The following PAK1 variants were observed in gnomAD, a reference collection of about 807,000 sequenced individuals.
PAK1 encodes the protein p21 (RAC1) activated kinase 1, also known as serine/threonine-protein kinase PAK 1.
Under a neutral mutation model 67.4 loss-of-function variants are expected in PAK1, and 29 were observed. The observed-to-expected ratio is 0.43, with a 90% CI of 0.32 to 0.59. The LOEUF (loss-of-function observed/expected upper bound fraction) is 0.59, where lower values mean the gene tolerates loss of function less well. Among genes scored for constraint, PAK1 ranks in the 20% least tolerant of loss-of-function variants. The pLI, the probability that PAK1 is intolerant of heterozygous loss-of-function variation, is 0.07. For synonymous variants in PAK1, 223 were observed against 237.4 expected (o/e 0.94, Z 0.56); for missense variants, 337 against 670.7 (o/e 0.50, Z 5.50).
the PAK1 span, among the ~76,000 whole-genome samples, chr11:77,499,130 A>G: frequency 8.2e-6 from 1 of 121,746 alleles, no homozygotes; most frequent in Non-Finnish European, 1.6e-5. Context: ...ATACCCACTC[A>G]CTACTAAAAA....
chr11:77,482,171 T>C, the PAK1 span, among the ~76,000 whole-genome samples: 1 of 151,932 alleles, frequency 6.6e-6, no homozygotes, highest in Non-Finnish European at 1.5e-5. Flanking sequence ...GTATTTTTAA[T>C]AGAGATGGGG....
chr11:77,507,536 T>C, the PAK1 span, among the ~76,000 whole-genome samples: 1 of 152,146 alleles, frequency 6.6e-6, no homozygotes, highest in Admixed American at 6.5e-5. Context: ...TTTTTTTTCT[T>C]TTTCAGACAG....
intron 1 of PAK1, among the ~76,000 whole-genome samples, chr11:77,393,463 T>C (rs1565658949): frequency 6.6e-6 from 1 of 151,836 alleles, no homozygotes; most frequent in African/African-American, 2.4e-5. Flanking sequence ...CCCATCTAAT[T>C]AAAAAAAATT....
intron 12 of PAK1, among the ~76,000 whole-genome samples, chr11:77,336,992 A>T (rs972438908): frequency 3.3e-5 from 5 of 151,684 alleles, no homozygotes; most frequent in Non-Finnish European, 5.9e-5. Flanking sequence ...AAGAAATTAT[A>T]CAAAACTCTT....
chr11:77,528,860 A>G, the PAK1 span, among the ~76,000 whole-genome samples: 2 of 152,124 alleles, frequency 1.3e-5, no homozygotes, highest in Admixed American at 6.5e-5. Context: ...TTCAGGTTCA[A>G]TTATTTTGGC....
chr11:77,406,226 G>C (rs544673490), intron 1 of PAK1, among the ~76,000 whole-genome samples: 8 of 152,232 alleles, frequency 5.3e-5, no homozygotes, highest in East Asian at 1.9e-4. Context: ...TTGATCTCTA[G>C]ACCAAACAGC....
intron 2 of PAK1, among the ~76,000 whole-genome samples, chr11:77,381,423 T>C (rs1484524748): frequency 6.6e-6 from 1 of 152,216 alleles, no homozygotes; most frequent in East Asian, 1.9e-4. Context: ...AAGTTTTACT[T>C]GTAGATTAGA....
chr11:77,445,750 G>A (rs1190844831), intron 1 of PAK1, among the ~76,000 whole-genome samples: 1 of 152,140 alleles, frequency 6.6e-6, no homozygotes, highest in Non-Finnish European at 1.5e-5. Flanking sequence ...TAGAATCATG[G>A]ACTGTTTGGG....
At chr11:77,331,474 T>G (rs1188722699) in intron 14 of PAK1, among the ~76,000 whole-genome samples, 4 of 152,238 alleles carry the variant, frequency 2.6e-5, no homozygotes, top group Non-Finnish European at 5.9e-5. Flanking sequence ...GATGAGTTCA[T>G]GTCCTTTGTA....
chr11:77,434,501 C>CA (rs2138361427), intron 1 of PAK1, among the ~76,000 whole-genome samples: 1 of 151,974 alleles, frequency 6.6e-6, no homozygotes, highest in Non-Finnish European at 1.5e-5. Flanking sequence ...GGCTGGAGAG[C>CA]AGTGGAACTA....
chr11:77,470,471 A>T (rs1410040009), intron 1 of PAK1, among the ~76,000 whole-genome samples: 2 of 152,204 alleles, frequency 1.3e-5, no homozygotes, highest in Non-Finnish European at 2.9e-5. Context: ...TGCCCAGCAC[A>T]GGGTCTGGCA....
At chr11:77,449,147 T>C (rs1019212149) in intron 1 of PAK1, among the ~76,000 whole-genome samples, 4 of 152,328 alleles carry the variant, frequency 2.6e-5, no homozygotes, top group Middle Eastern at 3.4e-3. Flanking sequence ...CTCTTCCTCT[T>C]TGGGGACAAG....
In PAK1 at chr11:77,445,693, T is replaced by C. The variant is rs994413190; in HGVS notation, c.-22+27859A>G. ...CACCGGAGTGAGCTATTTAAAAATC[T>C]ACATTTCTCTTCATGAGCTTTTTAT... On this transcript the variant is annotated intron_variant, in intron 1 of 14. Coordinates refer to ENST00000356341, the MANE Select transcript of PAK1 (RefSeq NM_002576.5). Among the ~76,000 whole-genome samples the C allele has an allele frequency of 1.2e-4, 19 of 152,248 alleles. No individual in the cohort carries two copies. The East Asian group carries it at 3.7e-3, about 29-fold the overall frequency.
the PAK1 span, among the ~76,000 whole-genome samples, chr11:77,491,114 A>G: frequency 6.6e-6 from 1 of 151,734 alleles, no homozygotes; most frequent in South Asian, 2.1e-4. Flanking sequence ...GAAACACCCA[A>G]GAATGATCAA....
At chr11:77,408,532 TAC>T (rs377689850) in intron 1 of PAK1, among the ~76,000 whole-genome samples, 8,012 of 137,690 alleles carry the variant, frequency 0.058, 500 homozygotes, top group African/African-American at 0.16. Context: ...TATGGAGAAA[TAC>T]ACACACACAC....
chr11:77,432,949 T>C (rs1955930991), intron 1 of PAK1, among the ~76,000 whole-genome samples: 1 of 152,066 alleles, frequency 6.6e-6, no homozygotes, highest in Admixed American at 6.6e-5. Context: ...AACTTGATTA[T>C]AAACCTAGAG....
At chr11:77,479,752 C>T in the PAK1 span, among the ~76,000 whole-genome samples, 1 of 151,602 alleles carries the variant, frequency 6.6e-6, no homozygotes, top group African/African-American at 2.4e-5. Context: ...GGATTACAGG[C>T]GCCCACCAGC....
At chr11:77,479,952 T>G in the PAK1 span, among the ~76,000 whole-genome samples, 1 of 152,166 alleles carries the variant, frequency 6.6e-6, no homozygotes, top group Non-Finnish European at 1.5e-5. Context: ...GTCATCAACC[T>G]AATGCCAGGA....
At chr11:77,475,234 A>T (rs78057952), upstream of PAK1, 15,931 of 152,126 alleles carry the variant, frequency 0.1, 1,628 homozygotes, top group African/African-American at 0.25. Flanking sequence ...TCCTCTCTCA[A>T]CATCCATATC....
Sources: allele counts gnomAD v4.1 joint callset (sites outside exome capture counted in the v4.1 genomes callset), GRCh38; gene constraint gnomAD v4.1.1; transcripts MANE v1.5; gene names NCBI Gene and HGNC (gene_info 2026-07-23, HGNC 2026-07-21).